GABRB2: variants seen among roughly 807,000 people sequenced by gnomAD.
GABRB2 encodes the protein gamma-aminobutyric acid type A receptor subunit beta2, also known as gamma-aminobutyric acid receptor subunit beta-2.
A neutral mutation model predicts 54.7 loss-of-function variants in GABRB2; 16 were observed. That is an observed-to-expected ratio of 0.29 (90% CI 0.20 to 0.44). The LOEUF is 0.44. Ranked by LOEUF, GABRB2 falls within the 20% of genes least tolerant of loss-of-function variation. The pLI, the probability that GABRB2 is intolerant of heterozygous loss-of-function variation, is 1.00. For missense variants in GABRB2, 355 were observed against 644.0 expected, an observed-to-expected ratio of 0.55 and a Z score of 4.86; for synonymous variants, 244 against 233.8, an observed-to-expected ratio of 1.04 and a Z score of -0.40.
chr5:161,426,674 A>G (rs1006587470), intron 4 of GABRB2, among the ~76,000 whole-genome samples: 3 of 152,144 alleles, frequency 2.0e-5, no homozygotes, highest in East Asian at 1.9e-4. Flanking sequence ...CATAATAAAA[A>G]GAAACTGGGT....
intron 9 of GABRB2, among the ~76,000 whole-genome samples, chr5:161,308,924 G>A (rs1403699374): frequency 1.3e-5 from 2 of 152,008 alleles, no homozygotes; most frequent in African/African-American, 4.8e-5. Context: ...AACAACCTAG[G>A]CAATACAATT....
At chr5:161,450,010 T>A (rs182444660) in intron 4 of GABRB2, among the ~76,000 whole-genome samples, 1 of 152,306 alleles carries the variant, frequency 6.6e-6, no homozygotes, top group African/African-American at 2.4e-5. Flanking sequence ...ATTAATAAAA[T>A]ATCCTCAATG....
At chr5:161,525,449 G>A (rs538609540) in intron 3 of GABRB2, among the ~76,000 whole-genome samples, 13 of 151,150 alleles carry the variant, frequency 8.6e-5, no homozygotes, top group East Asian at 5.8e-4. Flanking sequence ...TTCTATTTAC[G>A]AAAGTATTTT....
chr5:161,366,498 A>C (rs543159510), intron 5 of GABRB2, among the ~76,000 whole-genome samples: 1 of 151,978 alleles, frequency 6.6e-6, no homozygotes, highest in Admixed American at 6.6e-5. Flanking sequence ...TTAACTAAAA[A>C]TTTTTTTTCT....
intron 4 of GABRB2, among the ~76,000 whole-genome samples, chr5:161,448,068 C>T (rs893972513): frequency 3.5e-4 from 54 of 152,176 alleles, no homozygotes; most frequent in African/African-American, 1.1e-3. Context: ...GTTTGTGCAG[C>T]CTTGAAATTA....
At chr5:161,357,595 T>C in intron 5 of GABRB2, among the ~76,000 whole-genome samples, 1 of 152,002 alleles carries the variant, frequency 6.6e-6, no homozygotes, top group South Asian at 2.1e-4. Flanking sequence ...GGGAATGTTC[T>C]ACATTGGGTT....
intron 3 of GABRB2, among the ~76,000 whole-genome samples, chr5:161,521,187 T>C (rs904693247): frequency 1.3e-5 from 2 of 151,980 alleles, no homozygotes; most frequent in Non-Finnish European, 2.9e-5. Context: ...GGATTTACTA[T>C]TAGGTTTATT....
chr5:161,335,739 T>C (rs953687116), intron 6 of GABRB2, among the ~76,000 whole-genome samples: 4 of 152,134 alleles, frequency 2.6e-5, no homozygotes, highest in Admixed American at 6.6e-5. Flanking sequence ...TTTCCATAGA[T>C]TTTTAGGAAT....
At chr5:161,545,568 G>T (rs1426592347) in intron 2 of GABRB2, among the ~76,000 whole-genome samples, 1 of 151,914 alleles carries the variant, frequency 6.6e-6, no homozygotes, top group Non-Finnish European at 1.5e-5. Flanking sequence ...GCATGTGAAT[G>T]CACACAACTC....
chr5:161,331,620 G>A (rs1753842251), intron 7 of GABRB2, among the ~76,000 whole-genome samples: 1 of 152,080 alleles, frequency 6.6e-6, no homozygotes, highest in African/African-American at 2.4e-5. Flanking sequence ...GGTTGGATTT[G>A]GGGGAGAGTA....
intron 3 of GABRB2, among the ~76,000 whole-genome samples, chr5:161,488,914 G>A (rs896306099): frequency 2.0e-5 from 3 of 151,788 alleles, no homozygotes; most frequent in African/African-American, 7.2e-5. Context: ...TCATGGTTAT[G>A]TTGCAAAGAT....
At chr5:161,420,218 T>G (rs1756808775) in intron 4 of GABRB2, among the ~76,000 whole-genome samples, 1 of 152,212 alleles carries the variant, frequency 6.6e-6, no homozygotes, top group Non-Finnish European at 1.5e-5. Flanking sequence ...GTCTTTTAAT[T>G]TTTTTAACAA....
chr5:161,457,234 A>G (rs1168878613), intron 4 of GABRB2, among the ~76,000 whole-genome samples: 3 of 152,170 alleles, frequency 2.0e-5, no homozygotes, highest in African/African-American at 7.2e-5. Flanking sequence ...AGATGTGTTC[A>G]GGAACCTGCA....
intron 4 of GABRB2, among the ~76,000 whole-genome samples, chr5:161,437,601 C>A (rs1028727441): frequency 2.0e-5 from 3 of 151,416 alleles, no homozygotes; most frequent in African/African-American, 7.3e-5. Flanking sequence ...CTCTTGGGGT[C>A]CCCTATTCCA....
intron 3 of GABRB2, among the ~76,000 whole-genome samples, chr5:161,487,222 T>G (rs1758953071): frequency 6.6e-6 from 1 of 151,968 alleles, no homozygotes; most frequent in Admixed American, 6.6e-5. Context: ...CATTCTACGT[T>G]TTGGTATTTT....
intron 3 of GABRB2, among the ~76,000 whole-genome samples, chr5:161,493,099 T>G (rs2113357488): frequency 6.6e-6 from 1 of 151,924 alleles, no homozygotes; most frequent in Non-Finnish European, 1.5e-5. Flanking sequence ...AATTTTTAAT[T>G]TTGATACATA....
intron 5 of GABRB2, among the ~76,000 whole-genome samples, chr5:161,365,843 T>C (rs1754956370): frequency 6.6e-6 from 1 of 152,070 alleles, no homozygotes; most frequent in Non-Finnish European, 1.5e-5. Flanking sequence ...AATGAAGACA[T>C]TGCTAGTTAC....
intron 3 of GABRB2, 22 bp from the exon 4 acceptor site, chr5:161,459,866 A>C (rs769818424): frequency 8.0e-6 from 12 of 1,502,488 alleles, no homozygotes; most frequent in Non-Finnish European, 1.1e-5. Context: ...AGAAAAAAAA[A>C]CATGGTTAGT....
chr5:161,478,065 T>C (rs1454736759), intron 3 of GABRB2, among the ~76,000 whole-genome samples: 1 of 152,036 alleles, frequency 6.6e-6, no homozygotes, highest in Admixed American at 6.6e-5. Flanking sequence ...TTTCTATGTT[T>C]TTAAAAAATA....
Sources: allele counts gnomAD v4.1 joint callset (sites outside exome capture counted in the v4.1 genomes callset), GRCh38; gene constraint gnomAD v4.1.1; transcripts MANE v1.5; gene names NCBI Gene and HGNC (gene_info 2026-07-23, HGNC 2026-07-21).